PCDH15: variants seen among roughly 807,000 people sequenced by gnomAD.
PCDH15 encodes the protein protocadherin-15.
In PCDH15, 129 loss-of-function variants were observed where a neutral mutation model predicts 178.5. The ratio of observed to expected loss-of-function variants is 0.72; its 90% CI spans 0.63 to 0.84. The LOEUF (loss-of-function observed/expected upper bound fraction) is 0.84, where lower values mean the gene tolerates loss of function less well. Among genes scored for constraint, PCDH15 ranks in the 40% least tolerant of loss-of-function variants. The pLI is 0.00. For missense variants in PCDH15, 2,230 were observed against 2,099.9 expected, an observed-to-expected ratio of 1.06 and a Z score of -1.21; for synonymous variants, 800 against 732.0, an observed-to-expected ratio of 1.09 and a Z score of -1.50.
chr10:54,429,686 T>C (rs1395556115), intron 3 of PCDH15, among the ~76,000 whole-genome samples: 1 of 152,142 alleles, frequency 6.6e-6, no homozygotes, highest in Admixed American at 6.6e-5. Context: ...GGAGTATCTA[T>C]ACTCATATAA....
chr10:54,438,658 G>T (rs1419833740), intron 3 of PCDH15, among the ~76,000 whole-genome samples: 1 of 152,024 alleles, frequency 6.6e-6, no homozygotes, highest in East Asian at 1.9e-4. Flanking sequence ...AACTCTTGAG[G>T]ACACCTATCA....
intron 18 of PCDH15, among the ~76,000 whole-genome samples, chr10:54,038,228 T>C (rs2610829): frequency 0.016 from 2,408 of 152,054 alleles, 59 homozygotes; most frequent in African/African-American, 0.055. Context: ...GATTTATTTA[T>C]TTTGCAGACT....
intron 2 of PCDH15, among the ~76,000 whole-genome samples, chr10:54,578,908 G>A (rs1407399828): frequency 3.9e-5 from 6 of 152,044 alleles, no homozygotes; most frequent in Non-Finnish European, 5.9e-5. Context: ...AGCTTTGTAA[G>A]GAAGGGATAA....
intron 32 of PCDH15, chr10:53,823,078 C>T: frequency 6.2e-7 from 1 of 1,613,946 alleles, no homozygotes; most frequent in South Asian, 1.1e-5. Context: ...GAAAATGGGT[C>T]TACAAAATCT....
chr10:55,556,764 C>T (rs558072733), intron 2 of PCDH15, among the ~76,000 whole-genome samples: 3 of 152,204 alleles, frequency 2.0e-5, no homozygotes, highest in African/African-American at 7.2e-5. Context: ...TCGCTTGGAC[C>T]CGGGAGGCAA....
At chr10:54,348,794 T>G (rs1268057722) in intron 5 of PCDH15, among the ~76,000 whole-genome samples, 1 of 152,194 alleles carries the variant, frequency 6.6e-6, no homozygotes, top group Non-Finnish European at 1.5e-5. Flanking sequence ...GTTCAAGAAA[T>G]TTAAATTTTG....
intron 2 of PCDH15, among the ~76,000 whole-genome samples, chr10:55,536,770 A>G (rs1351512994): frequency 6.6e-6 from 1 of 152,110 alleles, no homozygotes; most frequent in Non-Finnish European, 1.5e-5. Context: ...CAAGTTGCCC[A>G]ACACAAAATT....
At chr10:55,359,720 G>GTGTATATATATATA (rs1259262723) in intron 2 of PCDH15, among the ~76,000 whole-genome samples, 1 of 112,940 alleles carries the variant, frequency 8.9e-6, no homozygotes, top group African/African-American at 3.8e-5. Context: ...AAAATGTGGT[G>GTGTATATATATATA]TATATATATA....
intron 8 of PCDH15, among the ~76,000 whole-genome samples, chr10:54,267,128 G>T (rs2384433): frequency 6.6e-6 from 1 of 151,568 alleles, no homozygotes. Context: ...TTCAATATAT[G>T]CAAATCAATT....
At position 53,804,944 on chromosome 10, in the gene PCDH15, T is replaced by TTTTG. The variant is rs1449979998; in HGVS notation, c.*1631_*1634dup. ...GGTTTTTTTTTGTTTGTTTGTTTTG[T>TTTTG]TTTGTTTTTTTGGCAAGGGTATGGA... is the stretch of plus-strand genomic sequence containing the variant. On this transcript the variant is annotated 3_prime_UTR_variant, in exon 38 of 38. Transcript: ENST00000644397. The TTTTG allele has an allele frequency of 6.6e-6, 1 of 151,906 alleles. No homozygotes were observed. Among genetic ancestry groups the TTTTG allele is most frequent in the Non-Finnish European group, 1.5e-5 (1 of 67,922 alleles). 9.4% of individuals were successfully genotyped at this position (151,906 alleles called of 1,614,324 possible).
rs929660268 is a variant in PCDH15 at position 55,613,781 on chromosome 10, A to C, written c.-156+13844T>G. Among the ~76,000 whole-genome samples, 45 of 152,294 alleles carry C rather than the reference A, an allele frequency of 3.0e-4. 1 individual carries two copies. Among genetic ancestry groups the C allele is most frequent in the African/African-American group, 9.6e-4 (40 of 41,560 alleles). On this transcript the variant is annotated intron_variant, in intron 2 of 5. Coordinates refer to the PCDH15 transcript ENST00000613346. ...AAAAGATGCAAATCATTCGTAGGAC[A>C]AGGGTTGATGCAGCTTTCAATTACT...
At chr10:55,374,953 T>C (rs1045491862) in intron 2 of PCDH15, among the ~76,000 whole-genome samples, 9 of 144,054 alleles carry the variant, frequency 6.2e-5, no homozygotes, top group Non-Finnish European at 9.3e-5. Context: ...ACATTTACTA[T>C]GATGAATCTT....
chr10:53,881,761 T>C (rs774428339), intron 26 of PCDH15, among the ~76,000 whole-genome samples: 7 of 152,154 alleles, frequency 4.6e-5, no homozygotes, highest in Non-Finnish European at 7.4e-5. Context: ...ATGTGAATTG[T>C]GGTTCACAAA....
chr10:54,787,590 A>C (rs1591634381), intron 1 of PCDH15, among the ~76,000 whole-genome samples: 1 of 152,104 alleles, frequency 6.6e-6, no homozygotes, highest in Middle Eastern at 3.4e-3. Context: ...CCAGGCATCA[A>C]GAGTGCAGAA....
At chr10:55,258,557 C>T (rs1206749769) in intron 1 of PCDH15, among the ~76,000 whole-genome samples, 2 of 152,000 alleles carry the variant, frequency 1.3e-5, no homozygotes, top group African/African-American at 4.8e-5. Context: ...TCTTTTTCTT[C>T]TGAGGAGGCA....
intron 2 of PCDH15, among the ~76,000 whole-genome samples, chr10:55,112,975 G>T (rs983754938): frequency 6.6e-6 from 1 of 152,058 alleles, no homozygotes; most frequent in Non-Finnish European, 1.5e-5. Context: ...AACTTTTGCT[G>T]CCTTGCTTTG....
At chr10:53,983,886 G>A (rs2090880717) in intron 21 of PCDH15, among the ~76,000 whole-genome samples, 1 of 151,882 alleles carries the variant, frequency 6.6e-6, no homozygotes, top group Non-Finnish European at 1.5e-5. Context: ...AGATTAAGCA[G>A]GATCCAACTT....
At chr10:55,245,945 T>G (rs1395445430) in intron 1 of PCDH15, among the ~76,000 whole-genome samples, 1 of 152,188 alleles carries the variant, frequency 6.6e-6, no homozygotes, top group African/African-American at 2.4e-5. Flanking sequence ...AAGGCTGACT[T>G]AGGGCAGATG....
chr10:55,388,272 C>CCTA (rs1837709359), intron 2 of PCDH15, among the ~76,000 whole-genome samples: 1 of 152,116 alleles, frequency 6.6e-6, no homozygotes, highest in South Asian at 2.1e-4. Flanking sequence ...ACCAGGATTG[C>CCTA]CTACTGGATT....
Sources: gnomAD v4.1 joint callset for allele counts (sites outside exome capture counted in the v4.1 genomes callset) on GRCh38, gnomAD v4.1.1 for gene constraint, MANE v1.5 for transcripts, NCBI Gene and HGNC (gene_info 2026-07-23, HGNC 2026-07-21) for gene names.